TRANK1: variants seen among roughly 807,000 people sequenced by gnomAD.
The protein encoded by TRANK1 is TPR and ankyrin repeat-containing protein 1.
In TRANK1, 198 loss-of-function variants were observed where a neutral mutation model predicts 266.0. The ratio of observed to expected loss-of-function variants is 0.74; its 90% CI spans 0.66 to 0.84. The LOEUF (loss-of-function observed/expected upper bound fraction) is 0.84. Among genes scored for constraint, TRANK1 ranks in the 40% least tolerant of loss-of-function variants. The pLI, the probability that TRANK1 is intolerant of heterozygous loss-of-function variation, is 0.00. For synonymous variants in TRANK1, 1,396 were observed against 1,384.1 expected (o/e 1.01, Z -0.19); for missense variants, 3,326 against 3,634.6 (o/e 0.92, Z 2.18).
intron 1 of TRANK1, among the ~76,000 whole-genome samples, chr3:36,909,868 T>A (rs1333375726): frequency 1.3e-5 from 2 of 152,094 alleles, no homozygotes; most frequent in Non-Finnish European, 2.9e-5. Flanking sequence ...ATCTCTAAAT[T>A]ATATGACTAC....
Position 36,826,962 on chromosome 3 carries a change from T to C in TRANK1, c.*1313A>G, listed in dbSNP as rs1385731789. On this transcript the variant is annotated 3_prime_UTR_variant, in exon 24 of 24. Coordinates refer to ENST00000645898, the MANE Select transcript of TRANK1 (RefSeq NM_001329998.2). ...TCTAAGAAAAATTGGAAACAAGCAT[T>C]TCAAGGAAACAATTTGGAAAGATAA... is the stretch of plus-strand genomic sequence containing the variant. 6.6e-6 allele frequency: 1 copy of C among 151,818 alleles called. No homozygotes were observed. The highest frequency in any genetic ancestry group is 1.9e-4 in the East Asian group (1 of 5,198). The allele number at this position is 151,818 out of a possible 1,614,324, so 9.4% of individuals were successfully genotyped here.
chr3:36,864,465 T>C lies in TRANK1; in HGVS notation c.1094A>G (p.Asp365Gly), dbSNP rs901790977. 11 of 1,533,728 alleles carry C rather than the reference T, an allele frequency of 7.2e-6. No individual in the cohort carries two copies. The Admixed American group carries it at 2.0e-4, about 28-fold the overall frequency. ...SKDLSGFSNG[D>G]GPTSENDIFR... The stretch of plus-strand genomic sequence containing the variant: ...AATGTCGTTTTCACTAGTGGGTCCA[T>C]CACCATTGCTGAATCCTACAAAACA... Residue 365 changes from aspartate (D) to glycine (G), a missense_variant, in exon 10 of 24, where the codon GAT becomes GGT. Transcript: ENST00000645898.
intron 3 of TRANK1, among the ~76,000 whole-genome samples, chr3:36,902,433 G>A (rs1056997637): frequency 6.6e-6 from 1 of 152,194 alleles, no homozygotes; most frequent in Non-Finnish European, 1.5e-5. Flanking sequence ...TGAATGTAGT[G>A]CTCTTTTTCT....
intron 9 of TRANK1, among the ~76,000 whole-genome samples, chr3:36,873,267 A>C (rs192095664): frequency 6.6e-6 from 1 of 152,248 alleles, no homozygotes; most frequent in Admixed American, 6.5e-5. Flanking sequence ...TAAGTCTACT[A>C]TCTATGCCTC....
Position 36,856,467 on chromosome 3 carries a change from G to A in TRANK1, c.3255C>T (p.Cys1085=). The A allele has an allele frequency of 6.2e-7, 1 of 1,614,018 alleles. No homozygotes were observed. Among genetic ancestry groups the A allele is most frequent in the Non-Finnish European group, 8.5e-7 (1 of 1,179,896 alleles). The part of the protein sequence containing the change: ...IGRSGTGKTT[C]CLYRLWKKFH... ...ATTTCTTCCACAATCTGTACAAGCAGCAGGTTGTCTTCCCAGTGCCACTTC... is the reference window on the plus strand; with the variant it reads ...ATTTCTTCCACAATCTGTACAAGCAACAGGTTGTCTTCCCAGTGCCACTTC... Residue 1085 remains cysteine (C), a synonymous_variant, in exon 13 of 24, where the codon TGC becomes TGT. Transcript: ENST00000645898.
intron 8 of TRANK1, chr3:36,880,106 A>G (rs1352599125): frequency 1.4e-5 from 2 of 142,106 alleles, no homozygotes; most frequent in East Asian, 2.4e-4. Context: ...ATATATATAA[A>G]CATATATAAA....
intron 3 of TRANK1, among the ~76,000 whole-genome samples, chr3:36,900,308 A>G (rs1026122194): frequency 6.6e-6 from 1 of 152,234 alleles, no homozygotes; most frequent in East Asian, 1.9e-4. Flanking sequence ...CTTTCAAAGT[A>G]AACACAATTT....
At chr3:36,940,802 G>A (rs2080486920) in intron 1 of TRANK1, among the ~76,000 whole-genome samples, 1 of 152,136 alleles carries the variant, frequency 6.6e-6, no homozygotes, top group Admixed American at 6.6e-5. Context: ...TATATCTGAG[G>A]AGCAGAACTG....
At chr3:36,877,543 G>T (rs769248099) in intron 8 of TRANK1, among the ~76,000 whole-genome samples, 6 of 152,240 alleles carry the variant, frequency 3.9e-5, no homozygotes, top group African/African-American at 1.4e-4. Context: ...ATTGCAAAAT[G>T]AACTAAAATA....
chr3:36,866,292 G>T (rs2079226988), intron 9 of TRANK1, among the ~76,000 whole-genome samples: 1 of 152,218 alleles, frequency 6.6e-6, no homozygotes, highest in African/African-American at 2.4e-5. Context: ...GTGAAGAAAT[G>T]AATGAATGTT....
At chr3:36,867,670 A>C (rs906474009) in intron 9 of TRANK1, among the ~76,000 whole-genome samples, 4 of 152,280 alleles carry the variant, frequency 2.6e-5, no homozygotes, top group African/African-American at 9.6e-5. Context: ...GTTTTTTAAA[A>C]GATGACTACG....
At chr3:36,940,039 C>A (rs890312070) in intron 1 of TRANK1, among the ~76,000 whole-genome samples, 1 of 151,802 alleles carries the variant, frequency 6.6e-6, no homozygotes, top group Non-Finnish European at 1.5e-5. Context: ...TACAGGTGTG[C>A]ACCACCATGC....
intron 9 of TRANK1, among the ~76,000 whole-genome samples, chr3:36,866,264 A>G (rs1217314783): frequency 1.3e-5 from 2 of 152,240 alleles, no homozygotes; most frequent in African/African-American, 2.4e-5. Context: ...CCTGGCCCAG[A>G]GTAGCACTAT....
intron 12 of TRANK1, 123 bp downstream of exon 12, chr3:36,858,595 C>T (rs2079091361): frequency 1.7e-6 from 2 of 1,211,110 alleles, no homozygotes; most frequent in South Asian, 2.3e-5. Flanking sequence ...GCAGGCCTGG[C>T]CAAGAAATGG....
At chr3:36,917,268 T>A (rs1482384039) in intron 1 of TRANK1, among the ~76,000 whole-genome samples, 1 of 152,030 alleles carries the variant, frequency 6.6e-6, no homozygotes, top group Non-Finnish European at 1.5e-5. Context: ...ATTTGGGAAA[T>A]ACACAAAAGC....
At chr3:36,830,403 C>A (rs12637912) in intron 22 of TRANK1, among the ~76,000 whole-genome samples, 41,045 of 151,964 alleles carry the variant, frequency 0.27, 6,600 homozygotes, top group Non-Finnish European at 0.36. Flanking sequence ...ACTTAAAGAC[C>A]CTCCTAAAAG....
chr3:36,932,308 C>T (rs1363875590), intron 1 of TRANK1, among the ~76,000 whole-genome samples: 3 of 152,198 alleles, frequency 2.0e-5, no homozygotes, highest in African/African-American at 4.8e-5. Context: ...CAGTGGCTCA[C>T]GCCTGTAATC....
At chr3:36,839,859 A>T (rs2078819901) in intron 18 of TRANK1, among the ~76,000 whole-genome samples, 1 of 152,206 alleles carries the variant, frequency 6.6e-6, no homozygotes, top group Admixed American at 6.5e-5. Context: ...GCATTCTAAA[A>T]ACCCTTTTTG....
At chr3:36,944,731 G>A in intron 1 of TRANK1, 56 bp downstream of exon 1, 3 of 1,496,126 alleles carry the variant, frequency 2.0e-6, no homozygotes, top group South Asian at 1.2e-5. Context: ...CCGCCAGGAA[G>A]GGTGGCGGGC....
Sources: gnomAD v4.1 joint callset for allele counts (sites outside exome capture counted in the v4.1 genomes callset) on GRCh38, gnomAD v4.1.1 for gene constraint, MANE v1.5 for transcripts, NCBI Gene and HGNC (gene_info 2026-07-23, HGNC 2026-07-21) for gene names.